C6orf52: variants seen among roughly 807,000 people sequenced by gnomAD.
C6orf52 encodes putative uncharacterized protein C6orf52.
Under a neutral mutation model 16.6 loss-of-function variants are expected in C6orf52, and 16 were observed. That is an observed-to-expected ratio of 0.96 (90% CI 0.65 to 1.46). The LOEUF is 1.46. Ranked by LOEUF, C6orf52 falls within the 40% of genes most tolerant of loss-of-function variation. C6orf52 has a pLI of 0.00. For missense variants in C6orf52, 166 were observed against 182.3 expected (o/e 0.91, Z 0.52); for synonymous variants, 53 against 61.4 (o/e 0.86, Z 0.64).
chr6:10,690,550 A>G (rs1016647810), intron 1 of C6orf52, among the ~76,000 whole-genome samples: 45 of 152,196 alleles, frequency 3.0e-4, no homozygotes, highest in African/African-American at 1.0e-3. Context: ...ATTTTTCTCT[A>G]CTGTGTCCTG....
intron 1 of C6orf52, among the ~76,000 whole-genome samples, chr6:10,690,307 T>C (rs62397700): frequency 0.02 from 3,029 of 152,236 alleles, 54 homozygotes; most frequent in Middle Eastern, 0.054. Context: ...ATTACTCCCA[T>C]GAATCAGGTG....
At position 10,694,605 on chromosome 6, in the gene C6orf52, CGG is replaced by C; in HGVS notation, c.-125_-124del. 5.6e-6 allele frequency: 1 copy of C among 178,934 alleles called. No homozygotes were observed. The highest frequency in any genetic ancestry group is 1.0e-4 in the South Asian group (1 of 9,542). The allele number at this position is 178,934 out of a possible 1,614,324, so 11.1% of individuals were successfully genotyped here. A position where few individuals can be genotyped will look rare whatever the true frequency, so the allele number is the denominator to read the frequency against. On this transcript the variant is annotated 5_prime_UTR_variant, in exon 1 of 5. Transcript: ENST00000259983. ...GCCGGCGCTACAGCCCCTAAGCAAC[CGG>C]CCGGAAGTCGGCCCCACCTCCTCCT...
intron 1 of C6orf52, among the ~76,000 whole-genome samples, chr6:10,690,378 C>T (rs1561882397): frequency 6.6e-6 from 1 of 152,184 alleles, no homozygotes; most frequent in Non-Finnish European, 1.5e-5. Flanking sequence ...GCATTATCTC[C>T]ACTTCCCTTC....
chr6:10,673,353 T>G (rs1051468828), intron 4 of C6orf52, among the ~76,000 whole-genome samples: 1 of 152,244 alleles, frequency 6.6e-6, no homozygotes. Flanking sequence ...AAAACTATAA[T>G]AGAAGCCTAT....
chr6:10,673,378 T>TTA (rs1461942660), intron 4 of C6orf52, among the ~76,000 whole-genome samples: 1 of 152,230 alleles, frequency 6.6e-6, no homozygotes, highest in Non-Finnish European at 1.5e-5. Context: ...GACAAACTAA[T>TTA]TATATCATCC....
At chr6:10,683,952 G>A (rs558838412) in intron 3 of C6orf52, among the ~76,000 whole-genome samples, 4 of 152,330 alleles carry the variant, frequency 2.6e-5, no homozygotes, top group African/African-American at 7.2e-5. Context: ...AAGGGCTGAT[G>A]TAGCTCCTGG....
chr6:10,687,199 A>G, intron 2 of C6orf52, 35 bp from the exon 3 acceptor site: 1 of 1,433,622 alleles, frequency 7.0e-7, no homozygotes, highest in East Asian at 2.5e-5. Context: ...CCAACGCAGA[A>G]TCATCCACAA....
intron 3 of C6orf52, 59 bp from the exon 4 acceptor site, chr6:10,683,291 C>T: frequency 9.3e-7 from 1 of 1,071,370 alleles, no homozygotes. Flanking sequence ...AATATCAATA[C>T]ATACTTTATT....
intron 1 of C6orf52, among the ~76,000 whole-genome samples, chr6:10,690,703 C>A (rs1303697965): frequency 6.6e-6 from 1 of 152,194 alleles, no homozygotes; most frequent in Non-Finnish European, 1.5e-5. Context: ...AGAGCAAAAA[C>A]CTTTTCAATC....
At chr6:10,682,577 C>T (rs983225174) in intron 4 of C6orf52, among the ~76,000 whole-genome samples, 4 of 151,362 alleles carry the variant, frequency 2.6e-5, no homozygotes, top group Non-Finnish European at 4.4e-5. Flanking sequence ...AGAGATTAGA[C>T]AAACATGTGA....
At chr6:10,687,195 C>T in intron 2 of C6orf52, 31 bp from the exon 3 acceptor site, 12 of 1,450,672 alleles carry the variant, frequency 8.3e-6, no homozygotes, top group Non-Finnish European at 1.1e-5. Context: ...ACAACCAACG[C>T]AGAATCATCC....
At chr6:10,687,319 C>T (rs1768939904) in intron 2 of C6orf52, among the ~76,000 whole-genome samples, 155 bp from the exon 3 acceptor site, 1 of 152,006 alleles carries the variant, frequency 6.6e-6, no homozygotes, top group African/African-American at 2.4e-5. Context: ...GTGCAGCAAA[C>T]CACCATGGCA....
chr6:10,676,514 G>C (rs966824358), intron 4 of C6orf52, among the ~76,000 whole-genome samples: 6 of 152,212 alleles, frequency 3.9e-5, no homozygotes, highest in African/African-American at 1.2e-4. Context: ...CTAAGGAATA[G>C]GCATGTTCAA....
chr6:10,690,196 T>G (rs1379779570), intron 1 of C6orf52, among the ~76,000 whole-genome samples: 5 of 152,034 alleles, frequency 3.3e-5, no homozygotes, highest in Admixed American at 2.0e-4. Flanking sequence ...GATCCCAGGG[T>G]AAAGATGGGC....
Position 10,683,218 on chromosome 6 carries a change from T to A in C6orf52, c.285A>T (p.Leu95=). The change falls in exon 4 of 5, where the codon CTA becomes CTT. Residue 95 remains leucine, a synonymous_variant. Transcript: ENST00000259983. ...TLVMPKETTP[L]AENQDEDPLE... ...GTGGGTCTTCATCTTGGTTTTCAGC[T>A]AGAGGTGTGGTTTCCTGCAACAAAA... 6.5e-7 allele frequency: 1 copy of A among 1,546,868 alleles called. No homozygotes were observed. The highest frequency in any genetic ancestry group is 8.7e-7 in the Non-Finnish European group (1 of 1,143,798).
chr6:10,676,697 A>G (rs58501093), intron 4 of C6orf52, among the ~76,000 whole-genome samples: 5,062 of 152,282 alleles, frequency 0.033, 268 homozygotes, highest in African/African-American at 0.11. Context: ...TACATAAATC[A>G]GACACCGCCT....
chr6:10,687,099 C>T lies in C6orf52; in HGVS notation c.137G>A (p.Trp46Ter), dbSNP rs772896648. 37 of 1,551,894 alleles carry T rather than the reference C, an allele frequency of 2.4e-5. No homozygotes were observed. The highest frequency in any genetic ancestry group is 3.1e-5 in the Non-Finnish European group (36 of 1,147,012). Residue 46 changes from tryptophan (W) to a stop codon, truncating the protein, a stop_gained, in exon 3 of 5, where the codon TGG becomes TAG. Coordinates refer to ENST00000259983, the MANE Select transcript of C6orf52 (RefSeq NM_001145020.3). LOFTEE classifies it high-confidence loss of function. ...QPSQSYRYGNWYARQHGSYLL... is the reference protein window; with the variant it reads ...QPSQSYRYGN The stretch of plus-strand genomic sequence containing the variant: ...GTAAGAGCCGTGCTGTCGCGCATAC[C>T]AGTTGCCATAGCGGTAACTCTGGCT...
intron 4 of C6orf52, among the ~76,000 whole-genome samples, chr6:10,675,878 T>C (rs1283233151): frequency 6.6e-6 from 1 of 152,244 alleles, no homozygotes; most frequent in Non-Finnish European, 1.5e-5. Context: ...ACGCCTGTAA[T>C]CCCAGCACTT....
intron 4 of C6orf52, among the ~76,000 whole-genome samples, chr6:10,676,565 T>C (rs1767900350): frequency 6.6e-6 from 1 of 152,212 alleles, no homozygotes; most frequent in South Asian, 2.1e-4. Context: ...ACTTGTGCAG[T>C]AAGGAGCGGA....
Sources: allele counts gnomAD v4.1 joint callset (sites outside exome capture counted in the v4.1 genomes callset), GRCh38; gene constraint gnomAD v4.1.1; transcripts MANE v1.5; gene names NCBI Gene and HGNC (gene_info 2026-07-23, HGNC 2026-07-21).